Variants in GALNT16 observed in about 807,000 individuals in gnomAD.
The protein encoded by GALNT16 is UDP-GalNAc:polypeptide N-acetylgalactosaminyltransferase-like protein 1.
A neutral mutation model predicts 76.1 loss-of-function variants in GALNT16; 40 were observed. That is an observed-to-expected ratio of 0.53 (90% confidence interval 0.41 to 0.68). The LOEUF is 0.68. Among genes scored for constraint, GALNT16 ranks in the 30% least tolerant of loss-of-function variants. The pLI, the probability that GALNT16 is intolerant of heterozygous loss-of-function variation, is 0.00. For missense variants in GALNT16, 621 were observed against 731.9 expected (o/e 0.85, Z 1.75); for synonymous variants, 276 against 285.2 (o/e 0.97, Z 0.32).
intron 6 of GALNT16, among the ~76,000 whole-genome samples, chr14:69,330,431 C>A (rs768798780): frequency 1.3e-5 from 2 of 152,142 alleles, no homozygotes; most frequent in Non-Finnish European, 2.9e-5. Context: ...TGTTCTGGAA[C>A]AAGATAGTGG....
chr14:69,348,352 A>G (rs1349124232), intron 14 of GALNT16: 1 of 454,282 alleles, frequency 2.2e-6, no homozygotes, highest in African/African-American at 2.0e-5. Flanking sequence ...GAAATAGATC[A>G]TCTCATCTAA....
intron 6 of GALNT16, among the ~76,000 whole-genome samples, chr14:69,330,890 G>A (rs935312930): frequency 4.6e-5 from 7 of 152,156 alleles, no homozygotes; most frequent in African/African-American, 1.7e-4. Flanking sequence ...GAGGTGATGC[G>A]GGGAGTGGCG....
At chr14:69,269,699 G>A (rs770064714) in intron 1 of GALNT16, among the ~76,000 whole-genome samples, 1 of 150,054 alleles carries the variant, frequency 6.7e-6, no homozygotes, top group African/African-American at 2.5e-5. Context: ...GGGTTTGTGT[G>A]TATGTAGTGT....
intron 12 of GALNT16, among the ~76,000 whole-genome samples, chr14:69,342,429 A>G (rs1331241093): frequency 9.2e-6 from 1 of 108,730 alleles, no homozygotes; most frequent in East Asian, 3.2e-4. Flanking sequence ...AGGGAAGGTG[A>G]GGGGAGGTGA....
At position 69,352,308 on chromosome 14, in the gene GALNT16, C is replaced by T. The variant is rs1020239553; in HGVS notation, c.*140C>T. The T allele has an allele frequency of 2.9e-5, 23 of 790,230 alleles. No individual in the cohort carries two copies. Among genetic ancestry groups the T allele is most frequent in the African/African-American group, 6.9e-5 (4 of 57,656 alleles). 49.0% of individuals were successfully genotyped at this position (790,230 alleles called of 1,614,324 possible). ...ATCAGCAAATACCCACCATGACACA[C>T]GTTCTCCAAAGCTTGTTCTAGGAGG... On this transcript the variant is annotated 3_prime_UTR_variant, in exon 15 of 15. Transcript: ENST00000448469.
At chr14:69,317,047 A>G (rs1056386135) in intron 1 of GALNT16, among the ~76,000 whole-genome samples, 1 of 152,106 alleles carries the variant, frequency 6.6e-6, no homozygotes, top group Non-Finnish European at 1.5e-5. Context: ...CCCCTGCTTG[A>G]CATAAGAATT....
At chr14:69,263,766 C>G (rs1214083185) in intron 1 of GALNT16, among the ~76,000 whole-genome samples, 1 of 152,216 alleles carries the variant, frequency 6.6e-6, no homozygotes, top group Non-Finnish European at 1.5e-5. Context: ...GCTGTCGGCC[C>G]AAGTGTCACC....
At chr14:69,328,338 A>T in intron 5 of GALNT16, 112 bp from the exon 6 acceptor site, 4 of 1,105,880 alleles carry the variant, frequency 3.6e-6, no homozygotes, top group Non-Finnish European at 5.2e-6. Flanking sequence ...TAATCACAAT[A>T]ACTCAGGAAG....
chr14:69,385,125 G>A, the GALNT16 span, among the ~76,000 whole-genome samples: 91 of 152,174 alleles, frequency 6.0e-4, 1 homozygote, highest in East Asian at 0.016. Flanking sequence ...TCATTCAGTC[G>A]TTGCTGTTGT....
chr14:69,349,707 C>T (rs1282782292), intron 14 of GALNT16: 1 of 152,276 alleles, frequency 6.6e-6, no homozygotes, highest in African/African-American at 2.4e-5. Context: ...GGCTCCCTCC[C>T]CTGCTTACCT....
At chr14:69,342,540 GAAA>G (rs1390008743) in intron 12 of GALNT16, among the ~76,000 whole-genome samples, 2 of 146,770 alleles carry the variant, frequency 1.4e-5, no homozygotes, top group African/African-American at 2.5e-5. Flanking sequence ...GAAAAGAAAA[GAAA>G]AGGAGAGAAT....
chr14:69,325,402 A>G lies in GALNT16; in HGVS notation c.500A>G (p.Asp167Gly), dbSNP rs746448970. 1.7e-5 allele frequency: 26 copies of G among 1,573,608 alleles called. No individual in the cohort carries two copies. Among genetic ancestry groups the G allele is most frequent in the Non-Finnish European group, 2.1e-5 (24 of 1,143,188 alleles). ...EIILVDDFSS[D>G]PEDCLLLTRI... ...ATTTTAGTGGATGACTTCAGCTCAGATCGTGAGTAGTCACCTTCCTTTTTG... is the reference window on the plus strand; with the variant it reads ...ATTTTAGTGGATGACTTCAGCTCAGGTCGTGAGTAGTCACCTTCCTTTTTG... Residue 167 changes from aspartate (D) to glycine (G), a missense_variant and splice_region_variant, in exon 4 of 15, where the codon GAT becomes GGT. Physicochemically the swap from Asp to Gly is moderately conservative, Grantham distance 94. Transcript: ENST00000448469.
chr14:69,316,776 A>AGGTGG (rs1555399655), intron 1 of GALNT16, among the ~76,000 whole-genome samples: 6 of 67,926 alleles, frequency 8.8e-5, no homozygotes, highest in African/African-American at 2.4e-4. Context: ...GTAGTCTGTG[A>AGGTGG]GGGGGGGGGG....
chr14:69,289,712 C>T (rs1208982710), intron 1 of GALNT16, among the ~76,000 whole-genome samples: 1 of 151,998 alleles, frequency 6.6e-6, no homozygotes, highest in African/African-American at 2.4e-5. Context: ...AAACGCTGTC[C>T]CCAGAACCCA....
the GALNT16 span, among the ~76,000 whole-genome samples, chr14:69,364,086 G>C: frequency 6.6e-6 from 1 of 152,194 alleles, no homozygotes; most frequent in Non-Finnish European, 1.5e-5. The surrounding 1 kb of genome is among the most constrained non-coding windows in gnomAD (Gnocchi z 4.2). Flanking sequence ...ATTGCACCTA[G>C]TATAGTACCC....
At chr14:69,362,583 C>T in the GALNT16 span, among the ~76,000 whole-genome samples, 2 of 152,244 alleles carry the variant, frequency 1.3e-5, no homozygotes, top group East Asian at 3.8e-4. Flanking sequence ...CCAGCTATTT[C>T]TGAGCTGGGA....
At chr14:69,336,801 C>T (rs1162098539) in intron 9 of GALNT16, among the ~76,000 whole-genome samples, 3 of 152,092 alleles carry the variant, frequency 2.0e-5, no homozygotes, top group African/African-American at 7.2e-5. Context: ...GATCTTGGCT[C>T]ACTGAAACCT....
chr14:69,321,683 C>G (rs138490578), intron 2 of GALNT16, among the ~76,000 whole-genome samples: 1 of 152,202 alleles, frequency 6.6e-6, no homozygotes, highest in Non-Finnish European at 1.5e-5. Flanking sequence ...CTAAACGCAC[C>G]TCCTCCGCCC....
intron 1 of GALNT16, among the ~76,000 whole-genome samples, chr14:69,292,569 G>A (rs887777406): frequency 7.2e-5 from 11 of 152,194 alleles, no homozygotes; most frequent in South Asian, 4.1e-4. Context: ...TTAATGGCCC[G>A]TGGAAAGTCC....
Sources: allele counts gnomAD v4.1 joint callset (sites outside exome capture counted in the v4.1 genomes callset), GRCh38; gene constraint gnomAD v4.1.1; non-coding constraint Gnocchi (gnomAD v3.1); transcripts MANE v1.5; gene names NCBI Gene and HGNC (gene_info 2026-07-23, HGNC 2026-07-21).